GALNT13: variants seen among roughly 807,000 people sequenced by gnomAD.
GALNT13 encodes UDP-GalNAc:polypeptide N-acetylgalactosaminyltransferase 13.
In GALNT13, 28 loss-of-function variants were observed where a neutral mutation model predicts 64.2. The observed-to-expected ratio is 0.44, with a 90% CI of 0.32 to 0.60. The LOEUF (loss-of-function observed/expected upper bound fraction) is 0.60. Ranked by LOEUF, GALNT13 falls within the 20% of genes least tolerant of loss-of-function variation. The pLI is 0.05. For missense variants in GALNT13, 577 were observed against 669.8 expected, an observed-to-expected ratio of 0.86 and a Z score of 1.53; for synonymous variants, 214 against 224.6, an observed-to-expected ratio of 0.95 and a Z score of 0.42.
intron 4 of GALNT13, among the ~76,000 whole-genome samples, chr2:154,226,212 A>G (rs1037311686): frequency 2.0e-5 from 3 of 152,148 alleles, no homozygotes; most frequent in Non-Finnish European, 4.4e-5. Context: ...TCTGAGCTCC[A>G]ATAATGATGT....
At chr2:153,823,990 C>A in the GALNT13 span, among the ~76,000 whole-genome samples, 1 of 152,152 alleles carries the variant, frequency 6.6e-6, no homozygotes, top group South Asian at 2.1e-4. Flanking sequence ...AGAAGGCATG[C>A]AAGTGAACAA....
chr2:153,720,902 G>C, the GALNT13 span, among the ~76,000 whole-genome samples: 1 of 151,832 alleles, frequency 6.6e-6, no homozygotes, highest in African/African-American at 2.4e-5. Context: ...ATATTATCCA[G>C]GAGAACTTCC....
At chr2:154,434,751 T>G (rs1257753549) in intron 11 of GALNT13, among the ~76,000 whole-genome samples, 1 of 151,996 alleles carries the variant, frequency 6.6e-6, no homozygotes, top group Non-Finnish European at 1.5e-5. Flanking sequence ...GAACATTAAG[T>G]GTGAAACAGA....
At chr2:153,142,027 A>C in the GALNT13 span, among the ~76,000 whole-genome samples, 1 of 152,070 alleles carries the variant, frequency 6.6e-6, no homozygotes, top group Admixed American at 6.6e-5. Context: ...TTGGGTTGAG[A>C]GAGACATCAT....
At chr2:153,810,343 G>A in the GALNT13 span, among the ~76,000 whole-genome samples, 6 of 152,060 alleles carry the variant, frequency 3.9e-5, no homozygotes, top group African/African-American at 1.2e-4. Flanking sequence ...AGTGTTGTGC[G>A]TGATCATTGT....
intron 11 of GALNT13, among the ~76,000 whole-genome samples, chr2:154,429,151 G>A (rs1274295595): frequency 6.6e-6 from 1 of 152,142 alleles, no homozygotes; most frequent in African/African-American, 2.4e-5. Flanking sequence ...TGGCATCTGT[G>A]TGTTCAAGTG....
intron 3 of GALNT13, among the ~76,000 whole-genome samples, chr2:154,139,625 C>CAT (rs1170312032): frequency 2.1e-4 from 31 of 147,812 alleles, no homozygotes; most frequent in Non-Finnish European, 4.5e-5. Flanking sequence ...GTAGGCAACA[C>CAT]ACACACACAC....
the GALNT13 span, among the ~76,000 whole-genome samples, chr2:153,559,848 G>A: frequency 6.6e-6 from 1 of 152,006 alleles, no homozygotes; most frequent in Admixed American, 6.6e-5. Flanking sequence ...GAAAAATAGG[G>A]TAAGTTTTTT....
intron 3 of GALNT13, among the ~76,000 whole-genome samples, chr2:153,955,931 A>G (rs1692535643): frequency 6.6e-6 from 1 of 152,192 alleles, no homozygotes; most frequent in Non-Finnish European, 1.5e-5. Context: ...ACACTACCGT[A>G]GCATTGGTAC....
chr2:154,094,676 A>T (rs969462049), intron 3 of GALNT13, among the ~76,000 whole-genome samples: 1 of 151,978 alleles, frequency 6.6e-6, no homozygotes, highest in African/African-American at 2.4e-5. Context: ...GTAGTCATAC[A>T]TAATATTTAA....
chr2:153,648,084 C>G, the GALNT13 span, among the ~76,000 whole-genome samples: 1 of 152,116 alleles, frequency 6.6e-6, no homozygotes, highest in Non-Finnish European at 1.5e-5. Flanking sequence ...AATATTGATT[C>G]TTCCTATCCA....
the GALNT13 span, among the ~76,000 whole-genome samples, chr2:153,441,328 C>T: frequency 6.6e-6 from 1 of 152,174 alleles, no homozygotes; most frequent in Non-Finnish European, 1.5e-5. Flanking sequence ...GGTACCAGTA[C>T]CATGCTGTGT....
chr2:154,081,062 A>AAACT lies in GALNT13; in HGVS notation c.143-59274_143-59271dup, dbSNP rs569887952. 9.9e-5 allele frequency among the ~76,000 whole-genome samples: 15 copies of AAACT among 151,586 alleles called. No individual in the cohort carries two copies. The East Asian group carries it at 2.9e-3, about 30-fold the overall frequency. On this transcript the variant is annotated intron_variant, in intron 3 of 12. Transcript: ENST00000392825. ...AGATTCCTTTATACTCCTCACATAT[A>AAACT]AACTGAGTTTTATGTCCTTACTGCC...
the GALNT13 span, among the ~76,000 whole-genome samples, chr2:153,724,741 C>G: frequency 7.7e-6 from 1 of 130,286 alleles, no homozygotes; most frequent in Non-Finnish European, 1.6e-5. Context: ...AAATGCAAAT[C>G]AAAACCACTA....
intron 3 of GALNT13, among the ~76,000 whole-genome samples, chr2:154,110,787 A>G (rs555255748): frequency 1.2e-4 from 18 of 152,164 alleles, no homozygotes; most frequent in African/African-American, 4.3e-4. Flanking sequence ...CTCAGTATTA[A>G]CCATCACAAG....
At chr2:154,438,209 G>A (rs1396536675) in intron 11 of GALNT13, among the ~76,000 whole-genome samples, 3 of 139,654 alleles carry the variant, frequency 2.1e-5, no homozygotes, top group Non-Finnish European at 3.2e-5. Flanking sequence ...TGTAGAATTG[G>A]AGAACTGGTC....
chr2:153,770,297 C>G, the GALNT13 span, among the ~76,000 whole-genome samples: 1 of 151,938 alleles, frequency 6.6e-6, no homozygotes, highest in Non-Finnish European at 1.5e-5. Flanking sequence ...TGTATGTTGT[C>G]TATGGTCCTT....
At chr2:153,988,527 T>C (rs1334067895) in intron 3 of GALNT13, among the ~76,000 whole-genome samples, 3 of 152,006 alleles carry the variant, frequency 2.0e-5, no homozygotes, top group African/African-American at 7.2e-5. Context: ...CTGAATAGTA[T>C]TCCATTGTGT....
At chr2:154,337,982 A>C (rs1695549059) in intron 9 of GALNT13, among the ~76,000 whole-genome samples, 1 of 152,128 alleles carries the variant, frequency 6.6e-6, no homozygotes, top group African/African-American at 2.4e-5. Flanking sequence ...CTCAGTAGTT[A>C]TAGATAAAAC....
Sources: allele counts gnomAD v4.1 joint callset (sites outside exome capture counted in the v4.1 genomes callset), GRCh38; gene constraint gnomAD v4.1.1; transcripts MANE v1.5; gene names NCBI Gene and HGNC (gene_info 2026-07-23, HGNC 2026-07-21).